The following NFILZ variants were observed in gnomAD, a reference collection of about 807,000 sequenced individuals.
NFILZ encodes the protein NFIL3 like protein.
chr19:8,654,964 T>C (rs2042985817), intron 3 of NFILZ, among the ~76,000 whole-genome samples: 1 of 152,172 alleles, frequency 6.6e-6, no homozygotes, highest in Admixed American at 6.5e-5. Flanking sequence ...CTCCACTTCC[T>C]GTTGGGTTCC....
chr19:8,674,115 C>T (rs2043100655), intron 3 of NFILZ, among the ~76,000 whole-genome samples: 1 of 152,184 alleles, frequency 6.6e-6, no homozygotes, highest in South Asian at 2.1e-4. Context: ...CCTGGGATTA[C>T]AGGAATGAGC....
At chr19:8,652,792 T>C (rs1167452838) in intron 3 of NFILZ, among the ~76,000 whole-genome samples, 1 of 151,604 alleles carries the variant, frequency 6.6e-6, no homozygotes, top group African/African-American at 2.4e-5. Context: ...CTTTTCTTTC[T>C]TTCTTTCCCT....
At chr19:8,661,017 T>A in intron 3 of NFILZ, among the ~76,000 whole-genome samples, 1 of 123,244 alleles carries the variant, frequency 8.1e-6, no homozygotes. Context: ...CTTCCCTTTC[T>A]TTCCTCCCTC....
intron 3 of NFILZ, among the ~76,000 whole-genome samples, chr19:8,649,563 G>A (rs1404104028): frequency 1.3e-5 from 2 of 151,820 alleles, no homozygotes; most frequent in South Asian, 2.1e-4. Context: ...TACCGTGCCC[G>A]GCATAATTAA....
At chr19:8,666,839 A>T (rs2043064189) in intron 3 of NFILZ, among the ~76,000 whole-genome samples, 1 of 151,044 alleles carries the variant, frequency 6.6e-6, no homozygotes, top group South Asian at 2.1e-4. Flanking sequence ...GGCTCAGGTG[A>T]TCCTCCCACT....
At chr19:8,668,773 A>G (rs1162786697) in intron 3 of NFILZ, among the ~76,000 whole-genome samples, 3 of 151,318 alleles carry the variant, frequency 2.0e-5, no homozygotes, top group Non-Finnish European at 4.4e-5. Flanking sequence ...TTTTCCCACC[A>G]TTTCTCAGTG....
chr19:8,668,936 C>T (rs1555750051), intron 3 of NFILZ, among the ~76,000 whole-genome samples: 1 of 152,018 alleles, frequency 6.6e-6, no homozygotes, highest in Non-Finnish European at 1.5e-5. Flanking sequence ...CGGAGAAGTC[C>T]AGTGGGAGAG....
Position 8,678,115 on chromosome 19 carries a change from A to G in NFILZ, c.*480A>G, listed in dbSNP as rs375991457. ...ATTCCATCCATCCATCCATCCATCC[A>G]TCCATCCATCCCTCCATCCATTCAT... On this transcript the variant is annotated 3_prime_UTR_variant, in exon 6 of 6. Coordinates refer to ENST00000691075, the MANE Select transcript of NFILZ (RefSeq NM_001378600.1). Among the ~76,000 whole-genome samples the G allele has an allele frequency of 3.3e-5, 4 of 121,114 alleles. No homozygotes were observed. The highest frequency in any genetic ancestry group is 8.3e-5 in the Admixed American group (1 of 12,092). 79.5% of individuals were successfully genotyped at this position (121,114 alleles called of 152,430 possible).
intron 3 of NFILZ, among the ~76,000 whole-genome samples, chr19:8,663,738 G>GTA (rs1555749444): frequency 3.3e-3 from 78 of 23,970 alleles, no homozygotes; most frequent in African/African-American, 0.011. Flanking sequence ...GTGTGTGTGT[G>GTA]TGTGTGTGTG....
At chr19:8,664,487 G>T (rs1236037560) in intron 3 of NFILZ, among the ~76,000 whole-genome samples, 1 of 152,174 alleles carries the variant, frequency 6.6e-6, no homozygotes, top group East Asian at 1.9e-4. Context: ...GCCGGGGGAG[G>T]GGGAGGGCGG....
intron 3 of NFILZ, among the ~76,000 whole-genome samples, chr19:8,659,376 G>A (rs1332342224): frequency 6.6e-6 from 1 of 152,156 alleles, no homozygotes; most frequent in Non-Finnish European, 1.5e-5. Context: ...AGGTCGGAGA[G>A]GGCTTCCCAG....
chr19:8,653,006 TCCTTC>T lies in NFILZ; in HGVS notation c.-164+17262_-164+17266del, dbSNP rs1568420422. Among the ~76,000 whole-genome samples the T allele has an allele frequency of 2.4e-3, 68 of 28,774 alleles. 4 individuals are homozygous for T. In the East Asian group the frequency reaches 0.025, roughly 11 times the overall value. The allele number at this position is 28,774 out of a possible 152,430, so 18.9% of individuals were successfully genotyped here. A position where few individuals can be genotyped will look rare whatever the true frequency, so the allele number is the denominator to read the frequency against. The stretch of plus-strand genomic sequence containing the variant: ...TTCCTTCCTTCCTTCCTTCCTTCCT[TCCTTC>T]CTTTCTTTCTTTCTTTCTTTCTTTC... On this transcript the variant is annotated intron_variant, in intron 3 of 5. Coordinates refer to ENST00000691075, the MANE Select transcript of NFILZ (RefSeq NM_001378600.1).
chr19:8,669,801 T>C (rs573670491), intron 3 of NFILZ, among the ~76,000 whole-genome samples: 62 of 152,334 alleles, frequency 4.1e-4, no homozygotes, highest in African/African-American at 1.3e-3. Flanking sequence ...AGCCGTGCTT[T>C]ACTTTCCTCT....
intron 3 of NFILZ, among the ~76,000 whole-genome samples, chr19:8,667,670 C>G (rs2043068468): frequency 6.6e-6 from 1 of 152,114 alleles, no homozygotes; most frequent in Non-Finnish European, 1.5e-5. Context: ...GCCTCAGCCT[C>G]CCAAGTAGCT....
At position 8,680,646 on chromosome 19, in the gene NFILZ, G is replaced by A. The variant is rs1280956191; in HGVS notation, c.*3011G>A. Among the ~76,000 whole-genome samples the A allele has an allele frequency of 1.3e-5, 2 of 152,130 alleles. No individual in the cohort carries two copies. Among genetic ancestry groups the A allele is most frequent in the African/African-American group, 4.8e-5 (2 of 41,428 alleles). On this transcript the variant is annotated 3_prime_UTR_variant, in exon 6 of 6. Transcript: ENST00000691075. ...TAAAAAATAAGAAAAACATATAGTA[G>A]GATCAATGATGATACGTGTCATGGA...
intron 2 of NFILZ, 29 bp downstream of exon 2, chr19:8,632,654 T>C (rs2042875643): frequency 6.6e-6 from 1 of 151,980 alleles, no homozygotes; most frequent in Non-Finnish European, 1.5e-5. Context: ...TTGTTTAGCA[T>C]ATCATCAAGA....
chr19:8,670,344 C>T (rs1478018337), intron 3 of NFILZ, among the ~76,000 whole-genome samples: 1 of 152,132 alleles, frequency 6.6e-6, no homozygotes, highest in African/African-American at 2.4e-5. Flanking sequence ...TCAAGTGATC[C>T]ACCTACCTTG....
chr19:8,633,989 CTTGCTTTCTTG>C (rs2042883516), intron 2 of NFILZ, among the ~76,000 whole-genome samples: 1 of 141,788 alleles, frequency 7.1e-6, no homozygotes, highest in Non-Finnish European at 1.5e-5. Flanking sequence ...TGCTTTCTTG[CTTGCTTTCTTG>C]TTTCCTTTTT....
At chr19:8,665,195 G>A (rs1268116407) in intron 3 of NFILZ, among the ~76,000 whole-genome samples, 1 of 152,116 alleles carries the variant, frequency 6.6e-6, no homozygotes, top group Non-Finnish European at 1.5e-5. Context: ...TATCTGAGAG[G>A]AATCAATTTG....
Sources: allele counts gnomAD v4.1 joint callset (sites outside exome capture counted in the v4.1 genomes callset), GRCh38; gene constraint gnomAD v4.1.1; transcripts MANE v1.5; gene names NCBI Gene and HGNC (gene_info 2026-07-23, HGNC 2026-07-21).